The following NYAP2 variants were observed in gnomAD, a reference collection of about 807,000 sequenced individuals.
NYAP2 encodes the protein neuronal tyrosine-phosphorylated phosphoinositide-3-kinase adapter 2.
A neutral mutation model predicts 50.4 loss-of-function variants in NYAP2; 23 were observed. That is an observed-to-expected ratio of 0.46 (90% CI 0.33 to 0.65). NYAP2 has a LOEUF of 0.65. NYAP2 is among the 30% of genes least tolerant of loss of function. The pLI, the probability that NYAP2 is intolerant of heterozygous loss-of-function variation, is 0.02. For synonymous variants in NYAP2, 394 were observed against 365.2 expected, an observed-to-expected ratio of 1.08 and a Z score of -0.90; for missense variants, 885 against 861.0, an observed-to-expected ratio of 1.03 and a Z score of -0.35.
chr2:225,608,131 T>A (rs886806525), intron 5 of NYAP2, among the ~76,000 whole-genome samples: 1 of 152,190 alleles, frequency 6.6e-6, no homozygotes, highest in Non-Finnish European at 1.5e-5. Context: ...GATCTTCATC[T>A]GGTAGATAGC....
chr2:225,608,348 T>G (rs1236490939), intron 5 of NYAP2, among the ~76,000 whole-genome samples: 1 of 152,160 alleles, frequency 6.6e-6, no homozygotes, highest in African/African-American at 2.4e-5. Context: ...GCACTGATAA[T>G]GAGCCTGTGA....
chr2:225,507,343 TG>T (rs1209065155), intron 3 of NYAP2, among the ~76,000 whole-genome samples: 1 of 152,210 alleles, frequency 6.6e-6, no homozygotes, highest in African/African-American at 2.4e-5. Context: ...TCATGGGTTT[TG>T]TTTTTGTCTT....
the NYAP2 span, among the ~76,000 whole-genome samples, chr2:225,685,139 T>C: frequency 2.0e-5 from 3 of 152,226 alleles, no homozygotes; most frequent in African/African-American, 7.2e-5. Context: ...TTTAGCTGTT[T>C]AAACAATTAT....
intron 3 of NYAP2, among the ~76,000 whole-genome samples, chr2:225,432,722 C>T (rs1360125116): frequency 6.6e-6 from 1 of 152,174 alleles, no homozygotes; most frequent in African/African-American, 2.4e-5. Context: ...TCCCTCCCTT[C>T]TCTGTGTGAT....
intron 3 of NYAP2, among the ~76,000 whole-genome samples, chr2:225,446,262 A>C (rs1314301997): frequency 0.017 from 2,267 of 132,694 alleles, 27 homozygotes; most frequent in Middle Eastern, 0.048. Context: ...ATATATATAT[A>C]TATATATATA....
chr2:225,522,722 G>A (rs1362642654), intron 4 of NYAP2, among the ~76,000 whole-genome samples: 1 of 152,054 alleles, frequency 6.6e-6, no homozygotes, highest in Admixed American at 6.6e-5. Flanking sequence ...AACAGTTTTG[G>A]TTCTACTTCA....
chr2:225,687,783 A>T, the NYAP2 span, among the ~76,000 whole-genome samples: 228 of 152,298 alleles, frequency 1.5e-3, no homozygotes, highest in African/African-American at 5.1e-3. Flanking sequence ...TTGATTCTTT[A>T]CTTGCATGTT....
At chr2:225,506,952 A>G (rs969164265) in intron 3 of NYAP2, among the ~76,000 whole-genome samples, 24 of 152,138 alleles carry the variant, frequency 1.6e-4, no homozygotes, top group African/African-American at 5.8e-4. Context: ...TGGTTTGCAA[A>G]GTTTGCAAAG....
chr2:225,656,509 T>C (rs774319021), downstream of NYAP2, among the ~76,000 whole-genome samples: 2 of 152,160 alleles, frequency 1.3e-5, no homozygotes, highest in South Asian at 2.1e-4. Context: ...CCAGGCTGCC[T>C]CTGGAGCAGA....
chr2:225,616,270 T>G (rs1185951419), intron 5 of NYAP2, among the ~76,000 whole-genome samples: 6 of 152,224 alleles, frequency 3.9e-5, no homozygotes, highest in Admixed American at 6.5e-5. Context: ...AGAATTGACA[T>G]AGCTGACCCC....
chr2:225,563,456 A>C (rs950559053), intron 4 of NYAP2, among the ~76,000 whole-genome samples: 2 of 152,108 alleles, frequency 1.3e-5, no homozygotes, highest in Non-Finnish European at 2.9e-5. Context: ...GGAGTTATCA[A>C]AGGGGTGAGC....
intron 3 of NYAP2, among the ~76,000 whole-genome samples, chr2:225,506,557 G>A (rs1690710715): frequency 6.6e-6 from 1 of 152,214 alleles, no homozygotes; most frequent in Non-Finnish European, 1.5e-5. Context: ...CATTCTGCTG[G>A]AGCAGGGATC....
intron 4 of NYAP2, among the ~76,000 whole-genome samples, chr2:225,517,900 G>A (rs541763449): frequency 5.3e-5 from 8 of 152,242 alleles, no homozygotes; most frequent in African/African-American, 1.9e-4. Flanking sequence ...CATTAAGATA[G>A]CCATTAAGGA....
intron 4 of NYAP2, among the ~76,000 whole-genome samples, chr2:225,552,332 A>G (rs1277066785): frequency 1.3e-5 from 2 of 152,254 alleles, no homozygotes; most frequent in African/African-American, 2.4e-5. Context: ...GGACTAAAAA[A>G]GCAAAAAGGA....
chr2:225,613,923 A>T (rs574460711), intron 5 of NYAP2, among the ~76,000 whole-genome samples: 56 of 152,326 alleles, frequency 3.7e-4, no homozygotes, highest in African/African-American at 1.3e-3. Flanking sequence ...TCCGAAATGT[A>T]AAGTGAAGGT....
At chr2:225,458,810 T>C (rs1409958872) in intron 3 of NYAP2, among the ~76,000 whole-genome samples, 1 of 152,272 alleles carries the variant, frequency 6.6e-6, no homozygotes. Context: ...ACCACTTTAG[T>C]CAAGAAGCTG....
chr2:225,569,340 T>A (rs1413375546), intron 4 of NYAP2, among the ~76,000 whole-genome samples: 1 of 152,216 alleles, frequency 6.6e-6, no homozygotes, highest in Non-Finnish European at 1.5e-5. Flanking sequence ...ATTGTTTTCT[T>A]CTTTGGTAGG....
chr2:225,525,506 A>T (rs1691135373), intron 4 of NYAP2, among the ~76,000 whole-genome samples: 1 of 152,164 alleles, frequency 6.6e-6, no homozygotes, highest in Non-Finnish European at 1.5e-5. Context: ...ATCCTAAGTG[A>T]AATAACTCAG....
At chr2:225,671,844 C>T in the NYAP2 span, among the ~76,000 whole-genome samples, 1 of 152,096 alleles carries the variant, frequency 6.6e-6, no homozygotes, top group African/African-American at 2.4e-5. Flanking sequence ...TGTACATCTC[C>T]ATGAGAGCTA....
Sources: gnomAD v4.1 joint callset for allele counts (sites outside exome capture counted in the v4.1 genomes callset) on GRCh38, gnomAD v4.1.1 for gene constraint, MANE v1.5 for transcripts, NCBI Gene and HGNC (gene_info 2026-07-23, HGNC 2026-07-21) for gene names.